Variants in CMIP observed in about 807,000 individuals in gnomAD.
CMIP encodes c-Maf inducing protein.
A neutral mutation model predicts 97.3 loss-of-function variants in CMIP; 13 were observed. That is an observed-to-expected ratio of 0.13 (90% CI 0.09 to 0.21). CMIP has a LOEUF of 0.21. CMIP is among the 10% of genes least tolerant of loss of function. The pLI, the probability that CMIP is intolerant of heterozygous loss-of-function variation, is 1.00. For missense variants in CMIP, 847 were observed against 1,024.9 expected, an observed-to-expected ratio of 0.83 and a Z score of 2.37; for synonymous variants, 538 against 436.3, an observed-to-expected ratio of 1.23 and a Z score of -2.91.
intron 18 of CMIP, 42 bp downstream of exon 18, chr16:81,704,127 C>T (rs993736675): frequency 1.3e-6 from 2 of 1,570,670 alleles, no homozygotes; most frequent in Non-Finnish European, 1.7e-6. Flanking sequence ...CACCCTCCTC[C>T]TTCACCTCTG....
chr16:81,626,568 G>T (rs1213327971), intron 3 of CMIP, among the ~76,000 whole-genome samples: 1 of 144,394 alleles, frequency 6.9e-6, no homozygotes, highest in East Asian at 2.1e-4. Flanking sequence ...TGGTGTGTGG[G>T]TGGCTTATGA....
At chr16:81,483,534 C>T (rs2089264200) in intron 1 of CMIP, among the ~76,000 whole-genome samples, 1 of 152,088 alleles carries the variant, frequency 6.6e-6, no homozygotes, top group Admixed American at 6.5e-5. Flanking sequence ...GACCGAAGTG[C>T]CTCCTGGCTT....
intron 1 of CMIP, among the ~76,000 whole-genome samples, chr16:81,553,900 G>A (rs1342855084): frequency 6.6e-6 from 1 of 152,188 alleles, no homozygotes; most frequent in Non-Finnish European, 1.5e-5. Context: ...TTTATATTAC[G>A]TGTCCACATT....
intron 1 of CMIP, among the ~76,000 whole-genome samples, chr16:81,557,655 GTC>G (rs2090792089): frequency 6.6e-6 from 1 of 152,094 alleles, no homozygotes. Context: ...CACATCTGTG[GTC>G]CCCGCTACTC....
chr16:81,601,929 C>A (rs1011769585), intron 1 of CMIP, among the ~76,000 whole-genome samples: 1 of 152,216 alleles, frequency 6.6e-6, no homozygotes, highest in African/African-American at 2.4e-5. Context: ...CCAGGGCTCT[C>A]CGGTTCCCTT....
chr16:81,696,163 G>C (rs1201267739), intron 13 of CMIP: 1 of 281,944 alleles, frequency 3.5e-6, no homozygotes, highest in Non-Finnish European at 6.9e-6. Context: ...AGACCCAGGA[G>C]ATGGCCCCAC....
rs187635618 is a variant in CMIP, at chr16:81,704,945, G to T, written c.2092-554G>T. 3.0e-3 allele frequency among the ~76,000 whole-genome samples: 454 copies of T among 151,848 alleles called. 2 individuals are homozygous for T. The highest frequency in any genetic ancestry group is 0.011 in the African/African-American group (435 of 41,396). On this transcript the variant is annotated intron_variant, in intron 18 of 20. Transcript: ENST00000537098. ...CGTGAGCCAGGCTTCGCTGGCCTGC[G>T]GGGGGCTGCGCAGGAGGCTTCTGGG...
intron 10 of CMIP, among the ~76,000 whole-genome samples, chr16:81,679,521 A>G (rs545749079): frequency 1.3e-5 from 2 of 151,956 alleles, no homozygotes; most frequent in Admixed American, 6.6e-5. Context: ...GTGACGGGTC[A>G]TGTGCAGGAG....
At chr16:81,459,032 A>G (rs995121892) in intron 1 of CMIP, among the ~76,000 whole-genome samples, 6 of 130,890 alleles carry the variant, frequency 4.6e-5, no homozygotes, top group East Asian at 2.1e-4. Flanking sequence ...CACTGTCACC[A>G]TCACCATCAC....
At chr16:81,671,864 G>A (rs568868586) in intron 8 of CMIP, 102 bp from the exon 9 acceptor site, 17 of 603,818 alleles carry the variant, frequency 2.8e-5, no homozygotes, top group Middle Eastern at 8.7e-4. Flanking sequence ...CTGGCAGAGC[G>A]GGCAGCCCCG....
In CMIP at chr16:81,509,239, C is replaced by G. The variant is rs1175241342; in HGVS notation, c.300+63698C>G. ...CCACAGGGCTCTCTTTAGCTCCATC[C>G]TATAGATGCGCAAGCAGGTGCAGAG... On this transcript the variant is annotated intron_variant, in intron 1 of 20. Transcript: ENST00000537098. Among the ~76,000 whole-genome samples the G allele has an allele frequency of 2.6e-5, 4 of 152,150 alleles. No homozygotes were observed. In the South Asian group the frequency reaches 8.3e-4, roughly 32 times the overall value.
chr16:81,648,133 G>A (rs1435346766), intron 3 of CMIP, among the ~76,000 whole-genome samples: 2 of 150,690 alleles, frequency 1.3e-5, no homozygotes, highest in Non-Finnish European at 3.0e-5. Context: ...GTGTCACCAA[G>A]CATTCTTGAC....
At chr16:81,471,398 G>C (rs139711642) in intron 1 of CMIP, among the ~76,000 whole-genome samples, 35 of 144,340 alleles carry the variant, frequency 2.4e-4, no homozygotes, top group African/African-American at 8.1e-4. Flanking sequence ...GCATATACAC[G>C]TACAAATGCA....
chr16:81,638,822 A>C (rs2092268732), intron 3 of CMIP, among the ~76,000 whole-genome samples: 1 of 152,074 alleles, frequency 6.6e-6, no homozygotes, highest in South Asian at 2.1e-4. Context: ...CCAGGAGGAC[A>C]GGAGGGGCGG....
chr16:81,517,123 GC>G (rs2089931152), intron 1 of CMIP, among the ~76,000 whole-genome samples: 1 of 151,930 alleles, frequency 6.6e-6, no homozygotes, highest in Non-Finnish European at 1.5e-5. Context: ...AAGGTCTTCA[GC>G]GAAAAACCAG....
chr16:81,672,610 A>G (rs1191009829), intron 9 of CMIP, among the ~76,000 whole-genome samples: 2 of 152,260 alleles, frequency 1.3e-5, no homozygotes, highest in Non-Finnish European at 1.5e-5. Flanking sequence ...TCACCCTGTC[A>G]CTTAGGTTGT....
At chr16:81,667,766 AAGAGAGAGAGAGAGAG>A (rs59388984) in intron 7 of CMIP, among the ~76,000 whole-genome samples, 4 of 85,138 alleles carry the variant, frequency 4.7e-5, no homozygotes, top group Admixed American at 1.3e-4. Flanking sequence ...GAGGGAGAGA[AAGAGAGAGAGAGAGAG>A]AGAGAGAGAG....
intron 1 of CMIP, among the ~76,000 whole-genome samples, chr16:81,555,083 C>T (rs1486521550): frequency 6.6e-6 from 1 of 152,172 alleles, no homozygotes; most frequent in African/African-American, 2.4e-5. Flanking sequence ...CCACAGGGAA[C>T]TTTCCCACAC....
intron 13 of CMIP, among the ~76,000 whole-genome samples, chr16:81,693,703 C>G (rs1016304816): frequency 6.6e-6 from 1 of 152,208 alleles, no homozygotes; most frequent in East Asian, 1.9e-4. Context: ...GGGTGGTTTT[C>G]CACTGGCTGG....
Sources: gnomAD v4.1 joint callset for allele counts (sites outside exome capture counted in the v4.1 genomes callset) on GRCh38, gnomAD v4.1.1 for gene constraint, MANE v1.5 for transcripts, NCBI Gene and HGNC (gene_info 2026-07-23, HGNC 2026-07-21) for gene names.